Variants in OPCML observed in about 807,000 individuals in gnomAD.
OPCML encodes opioid-binding protein/cell adhesion molecule.
A neutral mutation model predicts 37.8 loss-of-function variants in OPCML; 13 were observed. The ratio of observed to expected loss-of-function variants is 0.34; its 90% confidence interval spans 0.22 to 0.55. The LOEUF (loss-of-function observed/expected upper bound fraction) is 0.55, where lower values mean the gene tolerates loss of function less well. OPCML is among the 20% of genes least tolerant of loss of function. OPCML has a pLI of 0.91. For missense variants in OPCML, 341 were observed against 435.6 expected (o/e 0.78, Z 1.93); for synonymous variants, 176 against 168.8 (o/e 1.04, Z -0.33).
chr11:132,802,221 C>G (rs902345435), intron 2 of OPCML, among the ~76,000 whole-genome samples: 1 of 152,170 alleles, frequency 6.6e-6, no homozygotes, highest in Non-Finnish European at 1.5e-5. Context: ...TCTCCTCCTT[C>G]CCCCAGCACA....
intron 1 of OPCML, among the ~76,000 whole-genome samples, chr11:133,462,518 T>C (rs1946880641): frequency 6.6e-6 from 1 of 152,102 alleles, no homozygotes; most frequent in Non-Finnish European, 1.5e-5. Flanking sequence ...TTTAAAAATG[T>C]GCAAAGGACT....
chr11:132,640,281 G>C (rs1940774174), intron 3 of OPCML, among the ~76,000 whole-genome samples: 2 of 152,134 alleles, frequency 1.3e-5, no homozygotes, highest in African/African-American at 4.8e-5. Flanking sequence ...TCAGTGCGTG[G>C]CTTGGTAGGA....
intron 1 of OPCML, among the ~76,000 whole-genome samples, chr11:133,523,731 C>T (rs1245665417): frequency 6.6e-6 from 1 of 152,218 alleles, no homozygotes; most frequent in African/African-American, 2.4e-5. Context: ...TCTTCCTCTA[C>T]ACTCCAGTCA....
chr11:132,932,438 C>G lies in OPCML; in HGVS notation c.146+10488G>C, dbSNP rs572981185. 2.0e-5 allele frequency among the ~76,000 whole-genome samples: 3 copies of G among 152,168 alleles called. No homozygotes were observed. In the South Asian group the frequency reaches 6.2e-4, roughly 32 times the overall value. ...GCGTCCAAGTATACTGATGTGAACC[C>G]TAACAGGGTGCGTTTTACTTTAAGC... On this transcript the variant is annotated intron_variant, in intron 2 of 7. Coordinates refer to ENST00000524381, the MANE Select transcript of OPCML (RefSeq NM_001012393.5).
chr11:133,513,011 A>C (rs1948192144), intron 1 of OPCML, among the ~76,000 whole-genome samples: 1 of 152,198 alleles, frequency 6.6e-6, no homozygotes, highest in Non-Finnish European at 1.5e-5. Flanking sequence ...CTACAATTAA[A>C]ACAAACCTTT....
chr11:133,031,068 C>A (rs35726682), intron 1 of OPCML, among the ~76,000 whole-genome samples: 2 of 152,172 alleles, frequency 1.3e-5, no homozygotes, highest in African/African-American at 4.8e-5. Flanking sequence ...TCTGTAAGCA[C>A]GGGCTTTGTT....
intron 1 of OPCML, among the ~76,000 whole-genome samples, chr11:133,249,320 C>A (rs1299726684): frequency 1.3e-5 from 2 of 151,904 alleles, no homozygotes; most frequent in African/African-American, 4.8e-5. Context: ...GGAGGAGGTG[C>A]CAGGCTCTTT....
At position 132,943,084 on chromosome 11, in the gene OPCML, G is replaced by A. The variant is rs1287129645; in HGVS notation, c.62-74C>T. 1.9e-6 allele frequency: 3 copies of A among 1,613,986 alleles called. No individual in the cohort carries two copies. In the African/African-American group the frequency reaches 4.0e-5, roughly 22 times the overall value. ...TCCAGGGCAGGAACAGGTACCCACA[G>A]ACCCCCATTCTCGACAGCCACAACT... On this transcript the variant is annotated intron_variant, in intron 1 of 7. Transcript: ENST00000524381. The surrounding 1 kb of genome is among the most constrained non-coding windows in gnomAD (Gnocchi z 4.3).
intron 4 of OPCML, among the ~76,000 whole-genome samples, chr11:132,445,349 C>G (rs1396965993): frequency 6.6e-6 from 1 of 152,042 alleles, no homozygotes; most frequent in Non-Finnish European, 1.5e-5. Flanking sequence ...CGGGAGTAGC[C>G]GAGGATGACA....
intron 4 of OPCML, among the ~76,000 whole-genome samples, chr11:132,494,257 C>T (rs530828477): frequency 2.0e-5 from 3 of 152,142 alleles, no homozygotes; most frequent in Admixed American, 6.5e-5. Flanking sequence ...CATGCATATG[C>T]CTCATCTGCT....
At chr11:133,194,639 G>A (rs941513337) in intron 1 of OPCML, among the ~76,000 whole-genome samples, 5 of 152,246 alleles carry the variant, frequency 3.3e-5, no homozygotes, top group African/African-American at 9.6e-5. Context: ...TCTCCGATAC[G>A]TCCTTCACTT....
chr11:133,179,068 G>T (rs1937697712), intron 1 of OPCML, among the ~76,000 whole-genome samples: 1 of 151,966 alleles, frequency 6.6e-6, no homozygotes, highest in African/African-American at 2.4e-5. Flanking sequence ...TGTCCTGCTG[G>T]CTGTCAGGCT....
intron 1 of OPCML, among the ~76,000 whole-genome samples, chr11:133,472,227 G>C (rs1947132834): frequency 6.6e-6 from 1 of 152,128 alleles, no homozygotes; most frequent in South Asian, 2.1e-4. Flanking sequence ...CAGAAGCCGG[G>C]CCAAGCCTTT....
intron 1 of OPCML, among the ~76,000 whole-genome samples, chr11:133,389,785 C>A (rs1330718324): frequency 6.6e-6 from 1 of 152,152 alleles, no homozygotes; most frequent in African/African-American, 2.4e-5. Flanking sequence ...ATGCAGGGCC[C>A]ATCTCTCTGT....
chr11:132,506,625 C>A (rs1284932378), intron 4 of OPCML, among the ~76,000 whole-genome samples: 2 of 152,066 alleles, frequency 1.3e-5, no homozygotes, highest in Non-Finnish European at 2.9e-5. Context: ...CAATTCTTAC[C>A]TCCCATAGAG....
intron 3 of OPCML, among the ~76,000 whole-genome samples, chr11:132,610,977 C>T (rs1938603721): frequency 6.6e-6 from 1 of 152,192 alleles, no homozygotes. Flanking sequence ...TCTCTCTCTT[C>T]CCACTATGCT....
intron 2 of OPCML, among the ~76,000 whole-genome samples, chr11:132,830,931 T>C (rs1377329342): frequency 6.6e-6 from 1 of 152,214 alleles, no homozygotes; most frequent in African/African-American, 2.4e-5. Flanking sequence ...CAGAACTAAA[T>C]TCAATAGTTT....
intron 1 of OPCML, among the ~76,000 whole-genome samples, chr11:133,470,112 C>T (rs1206912146): frequency 6.6e-6 from 1 of 152,180 alleles, no homozygotes; most frequent in African/African-American, 2.4e-5. Flanking sequence ...CAAAGACCTC[C>T]ATTTTCAAGG....
At chr11:133,002,564 C>T (rs1257332695) in intron 1 of OPCML, among the ~76,000 whole-genome samples, 1 of 152,086 alleles carries the variant, frequency 6.6e-6, no homozygotes, top group Non-Finnish European at 1.5e-5. Flanking sequence ...ACAGGGGTAG[C>T]ATGAGGATTA....
Sources: allele counts gnomAD v4.1 joint callset (sites outside exome capture counted in the v4.1 genomes callset), GRCh38; gene constraint gnomAD v4.1.1; non-coding constraint Gnocchi (gnomAD v3.1); transcripts MANE v1.5; gene names NCBI Gene and HGNC (gene_info 2026-07-23, HGNC 2026-07-21).